The following THSD7A variants were observed in gnomAD, a reference collection of about 807,000 sequenced individuals.
THSD7A encodes thrombospondin type-1 domain-containing protein 7A.
In THSD7A, 96 loss-of-function variants were observed where a neutral mutation model predicts 231.3. The ratio of observed to expected loss-of-function variants is 0.41; its 90% CI spans 0.35 to 0.49. THSD7A has a LOEUF of 0.49. Among genes scored for constraint, THSD7A ranks in the 20% least tolerant of loss-of-function variants. The probability of loss-of-function intolerance (pLI) is 0.05; values close to 1 mark genes in which losing one functional copy is unlikely to be tolerated. For missense variants in THSD7A, 2,290 were observed against 2,070.2 expected, an observed-to-expected ratio of 1.11 and a Z score of -2.06; for synonymous variants, 940 against 743.3, an observed-to-expected ratio of 1.26 and a Z score of -4.30.
Position 11,446,035 on chromosome 7 carries a change from A to G in THSD7A, c.3064+26T>C. 1.2e-6 allele frequency: 2 copies of G among 1,612,298 alleles called. No individual in the cohort carries two copies. The highest frequency in any genetic ancestry group is 1.7e-6 in the Non-Finnish European group (2 of 1,178,750). On this transcript the variant is annotated intron_variant, in intron 13 of 27. Coordinates refer to ENST00000423059, the MANE Select transcript of THSD7A (RefSeq NM_015204.3). The surrounding 1 kb of genome is among the most constrained non-coding windows in gnomAD (Gnocchi z 4.0). The stretch of plus-strand genomic sequence containing the variant: ...CCCTCCACACTCCCGAAGATAGCAA[A>G]TATGTAACAATGAAGATTGAATTAC...
intron 1 of THSD7A, among the ~76,000 whole-genome samples, chr7:11,769,143 A>ATTTT (rs1306458383): frequency 2.8e-5 from 1 of 35,296 alleles, no homozygotes; most frequent in African/African-American, 8.8e-5. Context: ...ATATATATAT[A>ATTTT]TATATATATA....
At chr7:11,815,073 C>T (rs1159511324) in intron 1 of THSD7A, among the ~76,000 whole-genome samples, 1 of 117,940 alleles carries the variant, frequency 8.5e-6, no homozygotes, top group Non-Finnish European at 1.9e-5. Context: ...TGTAGCCATT[C>T]CCTAAAACTC....
chr7:11,780,985 G>A (rs1783606511), intron 1 of THSD7A, among the ~76,000 whole-genome samples: 2 of 77,870 alleles, frequency 2.6e-5, no homozygotes, highest in African/African-American at 4.4e-5. Context: ...GCGACAGAGC[G>A]AGACTCCGTC....
At position 11,509,546 on chromosome 7, in the gene THSD7A, G is replaced by C. The variant is rs6946396; in HGVS notation, c.1823-27564C>G. Among the ~76,000 whole-genome samples the C allele has an allele frequency of 8.5e-3, 1,300 of 152,082 alleles. 21 individuals carry two copies. Among genetic ancestry groups the C allele is most frequent in the African/African-American group, 0.029 (1,214 of 41,482 alleles). Reference sequence around the variant, plus strand: ...GCAGTTACAAATTTTAAAATTAAAAGATAAGGCCGGGCGCGGTGGCTCATG... The same window carrying C: ...GCAGTTACAAATTTTAAAATTAAAACATAAGGCCGGGCGCGGTGGCTCATG... On this transcript the variant is annotated intron_variant, in intron 6 of 27. Coordinates refer to ENST00000423059, the MANE Select transcript of THSD7A (RefSeq NM_015204.3).
intron 4 of THSD7A, among the ~76,000 whole-genome samples, chr7:11,562,200 A>G (rs1790104046): frequency 6.6e-6 from 1 of 152,192 alleles, no homozygotes; most frequent in East Asian, 1.9e-4. Context: ...AATCTTTCAA[A>G]GCTAAATCAT....
chr7:11,592,619 A>C (rs1780208349), intron 3 of THSD7A, among the ~76,000 whole-genome samples: 1 of 152,222 alleles, frequency 6.6e-6, no homozygotes, highest in Non-Finnish European at 1.5e-5. Context: ...GCTAGCAATT[A>C]AACAAAAAGC....
intron 8 of THSD7A, among the ~76,000 whole-genome samples, chr7:11,473,606 T>A (rs1323071139): frequency 6.6e-6 from 1 of 152,148 alleles, no homozygotes; most frequent in African/African-American, 2.4e-5. Context: ...TAGAGTAGAT[T>A]TATTAATTTT....
chr7:11,472,707 A>G (rs1785987141), intron 8 of THSD7A, among the ~76,000 whole-genome samples: 1 of 152,214 alleles, frequency 6.6e-6, no homozygotes, highest in South Asian at 2.1e-4. Context: ...ATAGGCGTGT[A>G]CATATGTACA....
At chr7:11,477,991 A>T (rs1428983939) in intron 7 of THSD7A, among the ~76,000 whole-genome samples, 1 of 152,204 alleles carries the variant, frequency 6.6e-6, no homozygotes, top group East Asian at 1.9e-4. Flanking sequence ...ATAACATCCA[A>T]TTCCAATGCT....
At chr7:11,392,378 C>A (rs1376504326) in intron 23 of THSD7A, among the ~76,000 whole-genome samples, 1 of 152,154 alleles carries the variant, frequency 6.6e-6, no homozygotes. Flanking sequence ...ATGGTCTTTG[C>A]AACCCACTAG....
chr7:11,743,799 T>C (rs1246813380), intron 1 of THSD7A, among the ~76,000 whole-genome samples: 1 of 151,916 alleles, frequency 6.6e-6, no homozygotes, highest in Non-Finnish European at 1.5e-5. Flanking sequence ...CCCTTTTGCC[T>C]ATTCTGTGTG....
intron 1 of THSD7A, among the ~76,000 whole-genome samples, chr7:11,663,634 GC>G (rs1783016067): frequency 6.6e-6 from 1 of 150,622 alleles, no homozygotes; most frequent in Admixed American, 6.7e-5. Context: ...AAACATGGAT[GC>G]AAATTTTTTT....
intron 2 of THSD7A, among the ~76,000 whole-genome samples, chr7:11,611,293 T>C (rs1780912605): frequency 6.6e-6 from 1 of 152,076 alleles, no homozygotes; most frequent in Non-Finnish European, 1.5e-5. Context: ...AGATGACACT[T>C]TTACATATAT....
At position 11,417,533 on chromosome 7, in the gene THSD7A, G is replaced by A; in HGVS notation, c.3454C>T (p.Pro1152Ser). ...AATTTGCACACTCTAGAGCCCAGGG[G>A]CATCTCTTCTGGGTCACAGAGGTAA... ...EDYLCDPEEM[P>S]LGSRVCKLPC... The change falls in exon 17 of 28, where the codon CCC becomes TCC. Residue 1152 changes from proline to serine, a missense_variant. Pro to Ser is a moderately conservative substitution (Grantham distance 74). Coordinates refer to ENST00000423059, the MANE Select transcript of THSD7A (RefSeq NM_015204.3). The A allele has an allele frequency of 1.9e-6, 3 of 1,613,752 alleles. No homozygotes were observed. In the Admixed American group the frequency reaches 5.0e-5, roughly 27 times the overall value.
chr7:11,777,086 C>T (rs1783431404), intron 1 of THSD7A, among the ~76,000 whole-genome samples: 1 of 152,060 alleles, frequency 6.6e-6, no homozygotes, highest in Admixed American at 6.5e-5. Flanking sequence ...TTTTGCAAGA[C>T]AGCAAATGAC....
chr7:11,377,254 T>TATAA lies in THSD7A; in HGVS notation c.4802-601_4802-598dup, dbSNP rs974064357. 1.6e-4 allele frequency among the ~76,000 whole-genome samples: 24 copies of TATAA among 152,196 alleles called. No individual in the cohort carries two copies. The highest frequency in any genetic ancestry group is 5.5e-4 in the African/African-American group (23 of 41,570). The stretch of plus-strand genomic sequence containing the variant: ...GGTTTGGTTAACATATAAAAGGATC[T>TATAA]ATAAATAATTTTTTTTCTACCTTTT... On this transcript the variant is annotated intron_variant, in intron 26 of 27. Coordinates refer to ENST00000423059, the MANE Select transcript of THSD7A (RefSeq NM_015204.3). This position sits in a 1 kb window ranked among gnomAD's most constrained non-coding sequence, Gnocchi z 4.5.
chr7:11,789,721 A>G (rs1386546519), intron 1 of THSD7A, among the ~76,000 whole-genome samples: 1 of 151,944 alleles, frequency 6.6e-6, no homozygotes, highest in Admixed American at 6.6e-5. Context: ...CCATTGGACA[A>G]CTTCATTGCC....
chr7:11,665,644 G>A (rs550146673), intron 1 of THSD7A, among the ~76,000 whole-genome samples: 13 of 152,020 alleles, frequency 8.6e-5, no homozygotes, highest in African/African-American at 2.7e-4. Context: ...CTTTACTAGC[G>A]TGAGCTCTCT....
Position 11,831,690 on chromosome 7 carries a change from A to G in THSD7A, c.190+67T>C. 8.2e-7 allele frequency: 1 copy of G among 1,216,634 alleles called. No homozygotes were observed. The highest frequency in any genetic ancestry group is 3.0e-5 in the South Asian group (1 of 33,104). 75.4% of individuals were successfully genotyped at this position (1,216,634 alleles called of 1,614,324 possible). A position where few individuals can be genotyped will look rare whatever the true frequency, so the allele number is the denominator to read the frequency against. On this transcript the variant is annotated intron_variant, in intron 1 of 27. Coordinates refer to ENST00000423059, the MANE Select transcript of THSD7A (RefSeq NM_015204.3). This position sits in a 1 kb window ranked among gnomAD's most constrained non-coding sequence, Gnocchi z 5.0. ...CCAAAAGCACCGGGGTCCCTACAGA[A>G]GCCCACCAGCTCCTTAATGTGGCCC...
Sources: gnomAD v4.1 joint callset for allele counts (sites outside exome capture counted in the v4.1 genomes callset) on GRCh38, gnomAD v4.1.1 for gene constraint, Gnocchi (gnomAD v3.1) non-coding constraint, MANE v1.5 for transcripts, NCBI Gene and HGNC (gene_info 2026-07-23, HGNC 2026-07-21) for gene names.